PCDHA12: variants seen among roughly 807,000 people sequenced by gnomAD.
PCDHA12 encodes the protein protocadherin alpha-12.
In PCDHA12, 44 loss-of-function variants were observed where a neutral mutation model predicts 60.0. That is an observed-to-expected ratio of 0.73 (90% CI 0.58 to 0.94). The LOEUF is 0.94. Among genes scored for constraint, PCDHA12 ranks in the 40% least tolerant of loss-of-function variants. The probability of loss-of-function intolerance (pLI) is 0.00; values close to 1 mark genes in which losing one functional copy is unlikely to be tolerated. For synonymous variants in PCDHA12, 569 were observed against 553.0 expected, an observed-to-expected ratio of 1.03 and a Z score of -0.40; for missense variants, 1,276 against 1,239.7, an observed-to-expected ratio of 1.03 and a Z score of -0.44.
At chr5:140,975,935 C>A (rs1351802479) in intron 1 of PCDHA12, among the ~76,000 whole-genome samples, 1 of 152,060 alleles carries the variant, frequency 6.6e-6, no homozygotes, top group Non-Finnish European at 1.5e-5. Flanking sequence ...ACCTTTGAAG[C>A]AATAGGACAT....
At chr5:140,974,377 A>G (rs1356669539) in intron 1 of PCDHA12, among the ~76,000 whole-genome samples, 1 of 152,190 alleles carries the variant, frequency 6.6e-6, no homozygotes, top group Non-Finnish European at 1.5e-5. Flanking sequence ...TTTCTGTTGT[A>G]CTGGAACCCA....
rs782039603 is a variant in PCDHA12 at position 140,876,722 on chromosome 5, G to A, written c.1250G>A (p.Ser417Asn). 2.5e-6 allele frequency: 4 copies of A among 1,614,134 alleles called. No individual in the cohort carries two copies. In the Admixed American group the frequency reaches 5.0e-5, roughly 20 times the overall value. Residue 417 changes from serine to asparagine, a missense_variant, in exon 1 of 4, where the codon AGC (serine) becomes AAC (asparagine). Ser to Asn is a conservative substitution (Grantham distance 46). Coordinates refer to ENST00000398631, the MANE Select transcript of PCDHA12 (RefSeq NM_018903.4). The part of the protein sequence containing the change: ...LVLDSALDRE[S>N]VSAYELVVTA... ...CTGGACAGCGCCCTGGACCGCGAGA[G>A]CGTGTCGGCCTATGAGCTGGTGGTG...
intron 3 of PCDHA12, among the ~76,000 whole-genome samples, chr5:141,007,339 T>C (rs2098316015): frequency 6.9e-6 from 1 of 143,904 alleles, no homozygotes; most frequent in Non-Finnish European, 1.5e-5. Context: ...TTGCCTGAGC[T>C]CAGGAGTTCG....
intron 3 of PCDHA12, among the ~76,000 whole-genome samples, chr5:140,998,105 A>G (rs1554256162): frequency 6.6e-6 from 1 of 152,204 alleles, no homozygotes; most frequent in African/African-American, 2.4e-5. Context: ...CAAACAGAGG[A>G]GAAAATTTAC....
intron 3 of PCDHA12, among the ~76,000 whole-genome samples, chr5:140,986,365 C>T (rs530102099): frequency 2.0e-5 from 3 of 152,194 alleles, no homozygotes; most frequent in Non-Finnish European, 2.9e-5. Flanking sequence ...TGGAGGAATG[C>T]GTTTTGGGGG....
chr5:141,002,234 C>G (rs2098067276), intron 3 of PCDHA12, among the ~76,000 whole-genome samples: 1 of 152,210 alleles, frequency 6.6e-6, no homozygotes, highest in Non-Finnish European at 1.5e-5. Context: ...TTTCTGGAAG[C>G]TCTTTATTAA....
intron 1 of PCDHA12, among the ~76,000 whole-genome samples, chr5:140,899,954 T>C (rs1240765868): frequency 6.6e-6 from 1 of 151,586 alleles, no homozygotes; most frequent in Non-Finnish European, 1.5e-5. Context: ...ACCACAGGCA[T>C]GTGCTGCCAT....
rs554450758 is a variant in PCDHA12, at chr5:140,895,787, C to T, written c.2367+17948C>T. On this transcript the variant is annotated intron_variant, in intron 1 of 3. Coordinates refer to ENST00000398631, the MANE Select transcript of PCDHA12 (RefSeq NM_018903.4). ...TTTATGGCTGCATAGTATTCAATGA[C>T]GTATATGTACAATACTGTATTGTAT... 8.5e-5 allele frequency among the ~76,000 whole-genome samples: 13 copies of T among 152,124 alleles called. No homozygotes were observed. The South Asian group carries it at 2.1e-3, about 24-fold the overall frequency.
chr5:140,911,147 C>T (rs978714342), intron 1 of PCDHA12, among the ~76,000 whole-genome samples: 6 of 152,218 alleles, frequency 3.9e-5, no homozygotes, highest in Non-Finnish European at 8.8e-5. Context: ...GGTTTTTCTC[C>T]TCAGACAAAT....
intron 1 of PCDHA12, among the ~76,000 whole-genome samples, chr5:140,884,922 T>C (rs1253595342): frequency 6.6e-6 from 1 of 152,246 alleles, no homozygotes; most frequent in African/African-American, 2.4e-5. Context: ...TAGTTCTAAG[T>C]ATTTATCTTG....
chr5:140,976,023 A>C (rs907977893), intron 1 of PCDHA12, among the ~76,000 whole-genome samples: 1 of 152,206 alleles, frequency 6.6e-6, no homozygotes, highest in Non-Finnish European at 1.5e-5. Flanking sequence ...AAATAATCAC[A>C]GTTATTTCAA....
At chr5:140,901,181 G>A (rs2068491755) in intron 1 of PCDHA12, among the ~76,000 whole-genome samples, 1 of 152,010 alleles carries the variant, frequency 6.6e-6, no homozygotes, top group African/African-American at 2.4e-5. Flanking sequence ...TTTGTTGATT[G>A]TTTGCTTTTC....
At chr5:140,882,131 C>A (rs1236835670) in intron 1 of PCDHA12, 2 of 1,475,734 alleles carry the variant, frequency 1.4e-6, no homozygotes, top group South Asian at 1.4e-5. Context: ...TTTCTTCCTG[C>A]AGAAAATATA....
chr5:140,918,929 A>G (rs2078930762), intron 1 of PCDHA12, among the ~76,000 whole-genome samples: 1 of 152,226 alleles, frequency 6.6e-6, no homozygotes, highest in Non-Finnish European at 1.5e-5. Context: ...AGCATATGGC[A>G]TTTTGTTATA....
intron 3 of PCDHA12, among the ~76,000 whole-genome samples, chr5:141,004,848 CAG>C (rs1554259777): frequency 6.6e-6 from 1 of 152,190 alleles, no homozygotes; most frequent in Non-Finnish European, 1.5e-5. Context: ...TCATTAGTCT[CAG>C]AGAAAAAATT....
At chr5:140,929,530 G>A in intron 1 of PCDHA12, 1 of 636,248 alleles carries the variant, frequency 1.6e-6, no homozygotes, top group Non-Finnish European at 2.3e-6. Flanking sequence ...GTTTATTTTT[G>A]AGAAACAAGG....
intron 1 of PCDHA12, among the ~76,000 whole-genome samples, chr5:140,905,257 C>T (rs920530176): frequency 6.6e-6 from 1 of 152,168 alleles, no homozygotes; most frequent in African/African-American, 2.4e-5. Context: ...CCACATGAGG[C>T]TTGGCAGTTA....
At position 140,992,017 on chromosome 5, in the gene PCDHA12, CTGTGTGTG is replaced by C. The variant is rs10602499; in HGVS notation, c.2515+9484_2515+9491del. On this transcript the variant is annotated intron_variant, in intron 3 of 3. Coordinates refer to ENST00000398631, the MANE Select transcript of PCDHA12 (RefSeq NM_018903.4). ...CTTTCATGTTCAGGCAGAGGTGGCT[CTGTGTGTG>C]TGTGTGTGTGTGTGTGTGTGTGTGT... Among the ~76,000 whole-genome samples the C allele has an allele frequency of 9.8e-4, 142 of 145,616 alleles. No homozygotes were observed. The East Asian group carries it at 1.0e-2, about 10-fold the overall frequency.
chr5:140,954,116 G>A (rs1190456994), intron 1 of PCDHA12, among the ~76,000 whole-genome samples: 2 of 152,118 alleles, frequency 1.3e-5, no homozygotes, highest in East Asian at 3.9e-4. Context: ...ACAAGATCTT[G>A]TTCCTTTTTA....
Sources: allele counts gnomAD v4.1 joint callset (sites outside exome capture counted in the v4.1 genomes callset), GRCh38; gene constraint gnomAD v4.1.1; transcripts MANE v1.5; gene names NCBI Gene and HGNC (gene_info 2026-07-23, HGNC 2026-07-21).